MRTFA: variants seen among roughly 807,000 people sequenced by gnomAD.
The protein encoded by MRTFA is myocardin-related transcription factor A.
In MRTFA, 20 loss-of-function variants were observed where a neutral mutation model predicts 83.5. That is an observed-to-expected ratio of 0.24 (90% CI 0.17 to 0.35). MRTFA has a LOEUF of 0.35. MRTFA is among the 10% of genes least tolerant of loss of function. The pLI is 1.00. For synonymous variants in MRTFA, 659 were observed against 541.2 expected (o/e 1.22, Z -3.02); for missense variants, 1,200 against 1,224.7 (o/e 0.98, Z 0.30).
intron 2 of MRTFA, among the ~76,000 whole-genome samples, chr22:40,575,613 A>G (rs2055855974): frequency 6.6e-6 from 1 of 152,198 alleles, no homozygotes; most frequent in African/African-American, 2.4e-5. Context: ...ACTATTTGAA[A>G]TTTAGGTGAT....
At chr22:40,530,389 C>G (rs1382714743) in intron 3 of MRTFA, among the ~76,000 whole-genome samples, 1 of 152,310 alleles carries the variant, frequency 6.6e-6, no homozygotes. Context: ...CTCTGCCTCC[C>G]AGGTTCAAGC....
chr22:40,628,465 A>G (rs2056604995), intron 1 of MRTFA, among the ~76,000 whole-genome samples: 1 of 152,194 alleles, frequency 6.6e-6, no homozygotes, highest in Admixed American at 6.6e-5. Flanking sequence ...TTAGAGGACA[A>G]AGACCTGTAA....
chr22:40,510,481 A>C (rs2054649947), intron 3 of MRTFA, among the ~76,000 whole-genome samples: 1 of 152,136 alleles, frequency 6.6e-6, no homozygotes, highest in African/African-American at 2.4e-5. Flanking sequence ...ATTAATACAA[A>C]ACAGAATTTT....
intron 4 of MRTFA, among the ~76,000 whole-genome samples, chr22:40,458,726 G>T (rs7286845): frequency 6.6e-6 from 1 of 152,044 alleles, no homozygotes; most frequent in Non-Finnish European, 1.5e-5. Flanking sequence ...TCGGCTTGAG[G>T]GCTCTGCCTA....
chr22:40,431,683 G>C (rs2053071790), intron 5 of MRTFA, among the ~76,000 whole-genome samples: 1 of 152,052 alleles, frequency 6.6e-6, no homozygotes, highest in Non-Finnish European at 1.5e-5. Context: ...GCCAAGGAAG[G>C]GCACCATCCT....
chr22:40,417,509 G>T lies in MRTFA; in HGVS notation c.2365-16C>A. 1 of 1,474,908 alleles carries T rather than the reference G, an allele frequency of 6.8e-7. No homozygotes were observed. The highest frequency in any genetic ancestry group is 2.8e-5 in the East Asian group (1 of 36,068). 91.4% of individuals were successfully genotyped at this position (1,474,908 alleles called of 1,614,324 possible). On this transcript the variant is annotated splice_polypyrimidine_tract_variant and intron_variant, in intron 12 of 14. Coordinates refer to ENST00000355630, the MANE Select transcript of MRTFA (RefSeq NM_020831.6). ...GGGACGAGGGCTGGACAGGAGAGCAGGGAGAGGACCAGTGGCCAGGGGGCT... is the reference window on the plus strand; with the variant it reads ...GGGACGAGGGCTGGACAGGAGAGCATGGAGAGGACCAGTGGCCAGGGGGCT...
intron 3 of MRTFA, among the ~76,000 whole-genome samples, chr22:40,545,551 G>T (rs928460360): frequency 2.6e-5 from 4 of 151,440 alleles, no homozygotes; most frequent in Non-Finnish European, 5.9e-5. Flanking sequence ...TCCCGCCTCA[G>T]CCTCCCAAGG....
intron 3 of MRTFA, among the ~76,000 whole-genome samples, chr22:40,496,645 C>T (rs1336785511): frequency 2.1e-5 from 3 of 143,810 alleles, no homozygotes; most frequent in Non-Finnish European, 4.5e-5. Flanking sequence ...TGTCCTCACA[C>T]AATTATGTAA....
intron 4 of MRTFA, among the ~76,000 whole-genome samples, chr22:40,453,171 A>C (rs1429113113): frequency 6.6e-6 from 1 of 152,210 alleles, no homozygotes; most frequent in Admixed American, 6.5e-5. Flanking sequence ...GGTCAGCCTC[A>C]CTTCTGGAAA....
At chr22:40,602,841 C>T (rs960793201) in intron 1 of MRTFA, among the ~76,000 whole-genome samples, 3 of 151,978 alleles carry the variant, frequency 2.0e-5, no homozygotes, top group African/African-American at 7.2e-5. Flanking sequence ...AGCGAGACTC[C>T]ATCTCAAAAA....
intron 3 of MRTFA, among the ~76,000 whole-genome samples, chr22:40,469,586 T>C (rs753131826): frequency 3.9e-5 from 6 of 152,128 alleles, no homozygotes; most frequent in Non-Finnish European, 7.3e-5. Flanking sequence ...TGCAGACATA[T>C]AGGATTTGAA....
At chr22:40,605,244 A>T (rs2056306218) in intron 1 of MRTFA, among the ~76,000 whole-genome samples, 1 of 152,222 alleles carries the variant, frequency 6.6e-6, no homozygotes, top group South Asian at 2.1e-4. Flanking sequence ...TTATAATCTA[A>T]CAGCACAGGA....
intron 14 of MRTFA, among the ~76,000 whole-genome samples, chr22:40,415,915 C>G (rs1171486177): frequency 6.6e-6 from 1 of 152,144 alleles, no homozygotes; most frequent in Non-Finnish European, 1.5e-5. Context: ...ACCCCCAAGG[C>G]TGGGCTTAGC....
intron 3 of MRTFA, among the ~76,000 whole-genome samples, chr22:40,469,241 C>T (rs1426090838): frequency 6.6e-6 from 1 of 152,176 alleles, no homozygotes; most frequent in African/African-American, 2.4e-5. Flanking sequence ...ATGTTGGAGG[C>T]GGGGCCTAGT....
At chr22:40,442,157 T>C (rs1025920575) in intron 4 of MRTFA, among the ~76,000 whole-genome samples, 3 of 152,248 alleles carry the variant, frequency 2.0e-5, no homozygotes, top group Admixed American at 1.3e-4. Context: ...CAATTCATTA[T>C]GAAACCTCAT....
At position 40,418,670 on chromosome 22, in the gene MRTFA, G is replaced by T. The variant is rs112458227; in HGVS notation, c.2068C>A (p.Pro690Thr). 1.3e-6 allele frequency: 2 copies of T among 1,524,128 alleles called. No homozygotes were observed. The highest frequency in any genetic ancestry group is 4.5e-5 in the East Asian group (2 of 43,986). 94.4% of individuals were successfully genotyped at this position (1,524,128 alleles called of 1,614,324 possible). A position where few individuals can be genotyped will look rare whatever the true frequency, so the allele number is the denominator to read the frequency against. Reference sequence around the variant, plus strand: ...TTGAATGGGTGAGCGGGGCCCAGGGGCTGCTGGCTCAGCTGGCAGCTGGAG... The same window carrying T: ...TTGAATGGGTGAGCGGGGCCCAGGGTCTGCTGGCTCAGCTGGCAGCTGGAG... The change falls in exon 12 of 15, where the codon CCC (proline) becomes ACC (threonine). Residue 690 changes from proline (P) to threonine (T), a missense_variant. Transcript: ENST00000355630.
chr22:40,516,240 G>A (rs147677911), intron 3 of MRTFA, among the ~76,000 whole-genome samples: 5,781 of 151,826 alleles, frequency 0.038, 643 homozygotes, highest in Admixed American at 0.25. Flanking sequence ...GCAACATGGC[G>A]AAATCCTGCC....
chr22:40,470,282 A>G (rs866731783), intron 3 of MRTFA, among the ~76,000 whole-genome samples: 7 of 79,148 alleles, frequency 8.8e-5, no homozygotes, highest in African/African-American at 4.1e-4. Context: ...TATATATATA[A>G]AGAAACATAA....
intron 2 of MRTFA, among the ~76,000 whole-genome samples, chr22:40,591,469 G>A (rs1005478538): frequency 2.0e-5 from 3 of 152,158 alleles, no homozygotes; most frequent in African/African-American, 2.4e-5. Context: ...CGTGCAATAC[G>A]CAGAGTGGTG....
Sources: allele counts gnomAD v4.1 joint callset (sites outside exome capture counted in the v4.1 genomes callset), GRCh38; gene constraint gnomAD v4.1.1; transcripts MANE v1.5; gene names NCBI Gene and HGNC (gene_info 2026-07-23, HGNC 2026-07-21).